MPP7: variants seen among roughly 807,000 people sequenced by gnomAD.
MPP7 encodes the protein MAGUK p55 scaffold protein 7.
In MPP7, 60 loss-of-function variants were observed where a neutral mutation model predicts 76.5. The observed-to-expected ratio is 0.78, with a 90% CI of 0.64 to 0.97. MPP7 has a LOEUF of 0.97. MPP7 is among the 50% of genes least tolerant of loss of function. The probability of loss-of-function intolerance (pLI) is 0.00; values close to 1 mark genes in which losing one functional copy is unlikely to be tolerated. For missense variants in MPP7, 641 were observed against 694.0 expected, an observed-to-expected ratio of 0.92 and a Z score of 0.86; for synonymous variants, 237 against 244.5, an observed-to-expected ratio of 0.97 and a Z score of 0.29.
intron 11 of MPP7, among the ~76,000 whole-genome samples, chr10:28,109,952 T>C (rs1388437395): frequency 1.3e-5 from 2 of 151,504 alleles, no homozygotes; most frequent in African/African-American, 2.4e-5. Flanking sequence ...GTTTGTTTTA[T>C]ATTTAAGTTT....
chr10:28,204,841 T>C (rs1014868955), intron 2 of MPP7, among the ~76,000 whole-genome samples: 6 of 152,196 alleles, frequency 3.9e-5, no homozygotes, highest in African/African-American at 9.6e-5. Flanking sequence ...AGTCAAACAA[T>C]AGCTTAGCTG....
intron 3 of MPP7, among the ~76,000 whole-genome samples, chr10:28,172,732 G>C (rs191414493): frequency 1.4e-4 from 22 of 152,238 alleles, no homozygotes; most frequent in African/African-American, 5.3e-4. Flanking sequence ...ATTGCTTCTC[G>C]TGTATCTAAT....
intron 8 of MPP7, among the ~76,000 whole-genome samples, chr10:28,123,062 A>G (rs1419454605): frequency 6.6e-6 from 1 of 152,150 alleles, no homozygotes; most frequent in East Asian, 1.9e-4. Flanking sequence ...TTAACCTGAT[A>G]CCATCTATGA....
intron 13 of MPP7, among the ~76,000 whole-genome samples, chr10:28,066,360 G>A (rs565483786): frequency 1.3e-5 from 2 of 152,192 alleles, no homozygotes; most frequent in South Asian, 2.1e-4. Flanking sequence ...ACTTTAGCTC[G>A]AGTACCTGAT....
chr10:28,251,606 A>G (rs2132854344), intron 1 of MPP7, among the ~76,000 whole-genome samples: 1 of 152,364 alleles, frequency 6.6e-6, no homozygotes, highest in Admixed American at 6.5e-5. Flanking sequence ...GTAAAATATA[A>G]CAGAAAAGTG....
At chr10:28,183,931 T>C (rs1227911447) in intron 3 of MPP7, among the ~76,000 whole-genome samples, 1 of 152,176 alleles carries the variant, frequency 6.6e-6, no homozygotes, top group East Asian at 1.9e-4. Context: ...AGGATGAGGA[T>C]GATGATAATG....
rs1852756540 is a variant in MPP7, at chr10:28,081,449, A to C, written c.1123+8222T>G. Among the ~76,000 whole-genome samples the C allele has an allele frequency of 2.6e-5, 4 of 152,240 alleles. 1 individual carries two copies. In the South Asian group the frequency reaches 8.3e-4, roughly 31 times the overall value. On this transcript the variant is annotated intron_variant, in intron 12 of 16. Transcript: ENST00000683449. ...TCTAGAAAATGCTTTTAAATGCAGA[A>C]GGAAATTTAACAGAAACTGTCATTG... is the stretch of plus-strand genomic sequence containing the variant.
At chr10:28,127,999 T>G (rs1554839318) in intron 6 of MPP7, among the ~76,000 whole-genome samples, 1 of 152,152 alleles carries the variant, frequency 6.6e-6, no homozygotes, top group Non-Finnish European at 1.5e-5. Flanking sequence ...CAAGGCAGCC[T>G]GTGTGGCTGG....
intron 11 of MPP7, among the ~76,000 whole-genome samples, chr10:28,099,375 T>C (rs922111011): frequency 1.3e-5 from 2 of 152,208 alleles, no homozygotes; most frequent in Admixed American, 6.5e-5. Context: ...TAACATCAGA[T>C]AGTATGCATT....
Position 28,257,480 on chromosome 10 carries a change from T to TCTATC in MPP7, c.-131-18746_-131-18745insGATAG, listed in dbSNP as rs1338636748. The stretch of plus-strand genomic sequence containing the variant: ...TGAAATTGGAAATCATCATTCTCAG[T>TCTATC]AAACTATCGCAAGAACAAAAAACCA... On this transcript the variant is annotated intron_variant, in intron 1 of 16. Transcript: ENST00000683449. Among the ~76,000 whole-genome samples, 125 of 151,052 alleles carry TCTATC rather than the reference T, an allele frequency of 8.3e-4. 1 individual carries two copies. The highest frequency in any genetic ancestry group is 2.8e-3 in the African/African-American group (114 of 41,158).
chr10:28,234,896 C>A (rs1035130208), intron 2 of MPP7, among the ~76,000 whole-genome samples: 7 of 152,202 alleles, frequency 4.6e-5, no homozygotes, highest in African/African-American at 1.7e-4. Context: ...CTGCAGCCTA[C>A]ACCTCCCAGG....
At chr10:28,325,992 AAAAATTCCTTAAAGAGAAAAATC>A (rs1367228864) in intron 2 of MPP7, among the ~76,000 whole-genome samples, 2 of 151,788 alleles carry the variant, frequency 1.3e-5, no homozygotes, top group East Asian at 3.9e-4. Flanking sequence ...AAAAAAAAAA[AAAAATTCCTTAAAGAGAAAAATC>A]TGGCCTGCAG....
rs1320116890 is a variant in MPP7, at chr10:28,109,425, C to T, written c.952+10226G>A. The stretch of plus-strand genomic sequence containing the variant: ...ATTAATTGTGTAAAATTGCTTAGTG[C>T]CAATAGGATGCTTTTCCACCGTCTA... On this transcript the variant is annotated intron_variant, in intron 11 of 16. Coordinates refer to ENST00000683449, the MANE Select transcript of MPP7 (RefSeq NM_001318170.2). 2.0e-5 allele frequency among the ~76,000 whole-genome samples: 3 copies of T among 151,972 alleles called. No individual in the cohort carries two copies. In the East Asian group the frequency reaches 5.8e-4, roughly 29 times the overall value.
chr10:28,187,332 A>C (rs987003490), intron 3 of MPP7, among the ~76,000 whole-genome samples: 1 of 152,228 alleles, frequency 6.6e-6, no homozygotes, highest in African/African-American at 2.4e-5. Flanking sequence ...GGAATTCTTC[A>C]GCAGACTTTA....
intron 1 of MPP7, among the ~76,000 whole-genome samples, chr10:28,289,903 C>G (rs1031346568): frequency 3.3e-5 from 5 of 152,232 alleles, no homozygotes; most frequent in Non-Finnish European, 7.3e-5. Context: ...ACTGCAACCT[C>G]CGCCTCCCTG....
chr10:28,161,793 A>G (rs1478585857), intron 3 of MPP7, among the ~76,000 whole-genome samples: 6 of 152,352 alleles, frequency 3.9e-5, no homozygotes, highest in East Asian at 1.9e-4. Context: ...TAATTCAAAT[A>G]GATTCTAAGT....
At chr10:28,104,978 T>A (rs527487662) in intron 11 of MPP7, among the ~76,000 whole-genome samples, 1 of 151,840 alleles carries the variant, frequency 6.6e-6, no homozygotes, top group Admixed American at 6.6e-5. Context: ...AGGATGGAAA[T>A]GAAGCTATTT....
intron 2 of MPP7, among the ~76,000 whole-genome samples, chr10:28,317,300 G>A (rs745849326): frequency 2.0e-5 from 3 of 152,168 alleles, no homozygotes; most frequent in Non-Finnish European, 2.9e-5. Context: ...GGCCAGGATG[G>A]GAGGTTCCCT....
At chr10:28,185,501 CAA>C (rs1564685944) in intron 3 of MPP7, among the ~76,000 whole-genome samples, 1 of 152,168 alleles carries the variant, frequency 6.6e-6, no homozygotes, top group East Asian at 1.9e-4. Context: ...TCACTAGACT[CAA>C]AAGAAAACAG....
Sources: allele counts gnomAD v4.1 joint callset (sites outside exome capture counted in the v4.1 genomes callset), GRCh38; gene constraint gnomAD v4.1.1; transcripts MANE v1.5; gene names NCBI Gene and HGNC (gene_info 2026-07-23, HGNC 2026-07-21).